The following ARG2 variants were observed in gnomAD, a reference collection of about 807,000 sequenced individuals.
ARG2 encodes arginase 2.
In ARG2, 21 loss-of-function variants were observed where a neutral mutation model predicts 39.4. The ratio of observed to expected loss-of-function variants is 0.53; its 90% CI spans 0.38 to 0.77. ARG2 has a LOEUF of 0.77. Ranked by LOEUF, ARG2 falls within the 30% of genes least tolerant of loss-of-function variation. ARG2 has a pLI of 0.00. For synonymous variants in ARG2, 150 were observed against 156.7 expected, an observed-to-expected ratio of 0.96 and a Z score of 0.32; for missense variants, 378 against 426.2, an observed-to-expected ratio of 0.89 and a Z score of 1.00.
At chr14:67,645,264 TC>T (rs1386756355) in intron 3 of ARG2, among the ~76,000 whole-genome samples, 1 of 152,016 alleles carries the variant, frequency 6.6e-6, no homozygotes, top group Non-Finnish European at 1.5e-5. Flanking sequence ...TCCTCTCACC[TC>T]AGTCCTCTGA....
intron 7 of ARG2, 60 bp from the exon 8 acceptor site, chr14:67,650,655 G>T: frequency 6.8e-7 from 1 of 1,466,106 alleles, no homozygotes; most frequent in South Asian, 1.1e-5. Context: ...CCAGTGGGAT[G>T]ACCCTCACTG....
chr14:67,620,010 C>G lies in ARG2; in HGVS notation c.33C>G (p.Leu11=), dbSNP rs758755127. ...TAAGGGGCAGCCTCTCGCGTCTCCTCCAGACGCGAGTGCATTCCATCCTGA... is the reference window on the plus strand; with the variant it reads ...TAAGGGGCAGCCTCTCGCGTCTCCTGCAGACGCGAGTGCATTCCATCCTGA... The part of the protein sequence containing the change: MSLRGSLSRL[L]QTRVHSILKK... The change falls in exon 1 of 8, where the codon CTC becomes CTG. Residue 11 remains leucine (L), a synonymous_variant. Transcript: ENST00000261783. The G allele has an allele frequency of 1.2e-6, 2 of 1,610,120 alleles. No homozygotes were observed. Among genetic ancestry groups the G allele is most frequent in the South Asian group, 1.1e-5 (1 of 90,552 alleles).
intron 2 of ARG2, among the ~76,000 whole-genome samples, chr14:67,641,229 G>A (rs561901668): frequency 4.3e-4 from 66 of 152,278 alleles, no homozygotes; most frequent in Admixed American, 5.9e-4. Context: ...TGTATAAAGT[G>A]TGTATGAAAC....
chr14:67,646,094 C>A (rs1406160752), intron 4 of ARG2, among the ~76,000 whole-genome samples: 1 of 152,346 alleles, frequency 6.6e-6, no homozygotes, highest in East Asian at 1.9e-4. Context: ...CTCAGACACA[C>A]TGATCTAGAA....
chr14:67,631,433 TC>T (rs200611743), intron 2 of ARG2, among the ~76,000 whole-genome samples: 2,881 of 141,606 alleles, frequency 0.02, 221 homozygotes, highest in African/African-American at 0.072. Context: ...TTTCTTTCTT[TC>T]TTTTTTTTTT....
Position 67,645,693 on chromosome 14 carries a change from G to C in ARG2, c.413G>C (p.Cys138Ser), listed in dbSNP as rs769892843. The C allele has an allele frequency of 6.2e-7, 1 of 1,613,990 alleles. No homozygotes were observed. ...SGHARHCPDL[C>S]VVWVDAHADI... ...CATGCCCGACACTGCCCAGACCTTT[G>C]TGTTGTCTGGGTTGATGCCCATGCT... Residue 138 changes from cysteine to serine, a missense_variant, in exon 4 of 8, where the codon TGT becomes TCT. Coordinates refer to ENST00000261783, the MANE Select transcript of ARG2 (RefSeq NM_001172.4).
chr14:67,650,572 G>A, intron 7 of ARG2, 143 bp from the exon 8 acceptor site: 1 of 685,712 alleles, frequency 1.5e-6, no homozygotes, highest in Non-Finnish European at 2.5e-6. Context: ...TGAGGTGCAA[G>A]GGGCTTCCTA....
intron 2 of ARG2, among the ~76,000 whole-genome samples, chr14:67,624,352 G>A (rs1336248305): frequency 6.6e-6 from 1 of 152,204 alleles, no homozygotes; most frequent in African/African-American, 2.4e-5. Context: ...AATGAGAACT[G>A]TATTAGTCTG....
At position 67,651,534 on chromosome 14, in the gene ARG2, C is replaced by G; in HGVS notation, c.*614C>G. On this transcript the variant is annotated 3_prime_UTR_variant, in exon 8 of 8. Coordinates refer to ENST00000261783, the MANE Select transcript of ARG2 (RefSeq NM_001172.4). ...GTCAGAAGTTTGGATAACCTTCCTTCTAAACATTTTGGGGTTAGACCTGGG... is the reference window on the plus strand; with the variant it reads ...GTCAGAAGTTTGGATAACCTTCCTTGTAAACATTTTGGGGTTAGACCTGGG... 1 of 1,597,346 alleles carries G rather than the reference C, an allele frequency of 6.3e-7. No individual in the cohort carries two copies.
chr14:67,646,219 A>C (rs1188354250), intron 4 of ARG2, among the ~76,000 whole-genome samples: 1 of 152,192 alleles, frequency 6.6e-6, no homozygotes, highest in Non-Finnish European at 1.5e-5. Flanking sequence ...TGAGGGACCA[A>C]GTCAAACCAG....
rs1410530724 is a variant in ARG2 at position 67,645,895 on chromosome 14, T to C, written c.522+93T>C. 2.1e-6 allele frequency: 3 copies of C among 1,404,242 alleles called. No homozygotes were observed. The Admixed American group carries it at 5.8e-5, about 27-fold the overall frequency. The allele number at this position is 1,404,242 out of a possible 1,614,324, so 87.0% of individuals were successfully genotyped here. A position where few individuals can be genotyped will look rare whatever the true frequency, so the allele number is the denominator to read the frequency against. On this transcript the variant is annotated intron_variant, in intron 4 of 7. Transcript: ENST00000261783. ...GTTAAGATTTTGGTGAAGGGTGGGT[T>C]GAGTGTGGATTACCACTCCTTCATT... is the stretch of plus-strand genomic sequence containing the variant.
At chr14:67,634,079 GCA>G (rs1882347130) in intron 2 of ARG2, among the ~76,000 whole-genome samples, 2 of 152,070 alleles carry the variant, frequency 1.3e-5, no homozygotes, top group South Asian at 4.1e-4. Flanking sequence ...GGAGTGCTAG[GCA>G]CAGAGTATAC....
intron 7 of ARG2, 99 bp from the exon 8 acceptor site, chr14:67,650,614 CTT>C (rs1194052603): frequency 1.1e-5 from 12 of 1,085,760 alleles, no homozygotes; most frequent in South Asian, 4.0e-5. Context: ...AAAATGGACT[CTT>C]GTTTTTACTT....
rs1432660046 is a variant in ARG2, at chr14:67,646,845, C to T, written c.618-76C>T. 11 of 1,380,640 alleles carry T rather than the reference C, an allele frequency of 8.0e-6. No homozygotes were observed. The South Asian group carries it at 1.2e-4, about 15-fold the overall frequency. 85.5% of individuals were successfully genotyped at this position (1,380,640 alleles called of 1,614,324 possible). On this transcript the variant is annotated intron_variant, in intron 5 of 7. Coordinates refer to ENST00000261783, the MANE Select transcript of ARG2 (RefSeq NM_001172.4). ...CTATTGCAGGTCACTACAACAAACCCACCCTCTCCCCCAAATACATATTTG... is the reference window on the plus strand; with the variant it reads ...CTATTGCAGGTCACTACAACAAACCTACCCTCTCCCCCAAATACATATTTG...
intron 7 of ARG2, chr14:67,649,341 G>T (rs1387954394): frequency 6.6e-6 from 1 of 152,102 alleles, no homozygotes; most frequent in Non-Finnish European, 1.5e-5. Context: ...GGGCAACATA[G>T]TGTGACCCCG....
intron 2 of ARG2, among the ~76,000 whole-genome samples, chr14:67,625,399 C>T (rs2036853320): frequency 2.0e-5 from 3 of 152,076 alleles, no homozygotes; most frequent in South Asian, 4.1e-4. Flanking sequence ...AAAGTGGGGG[C>T]CAGGCACGGT....
intron 2 of ARG2, among the ~76,000 whole-genome samples, chr14:67,625,492 A>G (rs1008343705): frequency 4.6e-5 from 7 of 151,988 alleles, no homozygotes; most frequent in Admixed American, 3.9e-4. Context: ...CAGCCTCAAC[A>G]TGGAGAAACC....
In ARG2 at chr14:67,648,062, C is replaced by A. The variant is rs1436788358; in HGVS notation, c.738C>A (p.Ile246=). ...DLLIGKRQRP[I]HLSFDIDAFD... Reference sequence around the variant, plus strand: ...TCCTTTTTAGGAGACAAAGACCAATCCATTTGAGTTTTGATATTGATGCAT... The same window carrying A: ...TCCTTTTTAGGAGACAAAGACCAATACATTTGAGTTTTGATATTGATGCAT... The change falls in exon 7 of 8, where the codon ATC becomes ATA. Residue 246 remains isoleucine, a synonymous_variant. Coordinates refer to ENST00000261783, the MANE Select transcript of ARG2 (RefSeq NM_001172.4). 2 of 1,612,456 alleles carry A rather than the reference C, an allele frequency of 1.2e-6. No individual in the cohort carries two copies. Among genetic ancestry groups the A allele is most frequent in the Non-Finnish European group, 1.7e-6 (2 of 1,179,068 alleles).
At chr14:67,642,125 G>T in intron 2 of ARG2, 61 bp from the exon 3 acceptor site, 2 of 1,508,054 alleles carry the variant, frequency 1.3e-6, no homozygotes, top group Non-Finnish European at 1.8e-6. Flanking sequence ...TGTGGCCCAG[G>T]CTAGTTAAGA....
Sources: gnomAD v4.1 joint callset for allele counts (sites outside exome capture counted in the v4.1 genomes callset) on GRCh38, gnomAD v4.1.1 for gene constraint, MANE v1.5 for transcripts, NCBI Gene and HGNC (gene_info 2026-07-23, HGNC 2026-07-21) for gene names.